Variants in PAPPA2 observed in about 807,000 individuals in gnomAD.
The protein encoded by PAPPA2 is pappalysin 2.
A neutral mutation model predicts 176.4 loss-of-function variants in PAPPA2; 86 were observed. The observed-to-expected ratio is 0.49, with a 90% CI of 0.41 to 0.58. The LOEUF is 0.58. PAPPA2 is among the 20% of genes least tolerant of loss of function. The probability of loss-of-function intolerance (pLI) is 0.00; values close to 1 mark genes in which losing one functional copy is unlikely to be tolerated. For missense variants in PAPPA2, 2,073 were observed against 2,256.9 expected (o/e 0.92, Z 1.65); for synonymous variants, 809 against 852.2 (o/e 0.95, Z 0.88).
At chr1:176,668,636 A>G (rs1027207095) in intron 3 of PAPPA2, among the ~76,000 whole-genome samples, 1 of 152,202 alleles carries the variant, frequency 6.6e-6, no homozygotes, top group South Asian at 2.1e-4. Context: ...AGCATTCTGC[A>G]TGTAAAGCAG....
intron 1 of PAPPA2, among the ~76,000 whole-genome samples, chr1:176,478,113 C>A (rs192916462): frequency 6.6e-6 from 1 of 152,184 alleles, no homozygotes. Flanking sequence ...TGAGTAGCTT[C>A]TGCTATTAAA....
At chr1:176,506,693 A>G (rs7526589) in intron 1 of PAPPA2, among the ~76,000 whole-genome samples, 12,034 of 152,194 alleles carry the variant, frequency 0.079, 582 homozygotes, top group South Asian at 0.15. Flanking sequence ...ATTTATGTGC[A>G]TTGATTTTGT....
In PAPPA2 at chr1:176,810,571, A is replaced by G. The variant is rs571479517; in HGVS notation, c.5202+10439A>G. ...ATTTTACAGGAGGCAGATCCAGGCT[A>G]TAACACTGGCTCTTCCACCACTCAC... is the stretch of plus-strand genomic sequence containing the variant. On this transcript the variant is annotated intron_variant, in intron 21 of 22. Coordinates refer to ENST00000367662, the MANE Select transcript of PAPPA2 (RefSeq NM_020318.3). 3.3e-5 allele frequency among the ~76,000 whole-genome samples: 5 copies of G among 152,320 alleles called. No homozygotes were observed. In the East Asian group the frequency reaches 7.7e-4, roughly 23 times the overall value.
intron 21 of PAPPA2, among the ~76,000 whole-genome samples, chr1:176,819,188 G>T (rs2102971662): frequency 6.6e-6 from 1 of 152,206 alleles, no homozygotes; most frequent in African/African-American, 2.4e-5. Context: ...TCAGCAGCAG[G>T]GTAGTGATCT....
chr1:176,707,757 C>T (rs947612571), intron 10 of PAPPA2, among the ~76,000 whole-genome samples: 1 of 152,152 alleles, frequency 6.6e-6, no homozygotes, highest in African/African-American at 2.4e-5. Context: ...TTTCCTCATG[C>T]TTAATCAAGT....
chr1:176,492,954 G>A (rs930227769), intron 1 of PAPPA2, among the ~76,000 whole-genome samples: 2 of 152,192 alleles, frequency 1.3e-5, no homozygotes, highest in South Asian at 2.1e-4. Context: ...TATATTTTCT[G>A]TTGTGATTCA....
chr1:176,664,633 CT>C (rs1309110427), intron 3 of PAPPA2, among the ~76,000 whole-genome samples: 1 of 152,182 alleles, frequency 6.6e-6, no homozygotes, highest in Non-Finnish European at 1.5e-5. Context: ...GGGCATTATA[CT>C]GACTACCTTA....
intron 9 of PAPPA2, among the ~76,000 whole-genome samples, chr1:176,705,990 A>G (rs1315971310): frequency 6.6e-6 from 1 of 152,212 alleles, no homozygotes; most frequent in African/African-American, 2.4e-5. Flanking sequence ...TCTTACCATC[A>G]TCAGCTATTT....
chr1:176,679,200 T>A (rs1470084629), intron 4 of PAPPA2, among the ~76,000 whole-genome samples: 3 of 152,182 alleles, frequency 2.0e-5, no homozygotes, highest in African/African-American at 7.2e-5. Context: ...TTCCCTGAGT[T>A]TTATCCTTGA....
intron 2 of PAPPA2, among the ~76,000 whole-genome samples, chr1:176,570,130 C>T (rs961461661): frequency 1.3e-4 from 20 of 152,190 alleles, no homozygotes; most frequent in African/African-American, 3.9e-4. Flanking sequence ...ACATTATTCC[C>T]GTGGGCGGGA....
chr1:176,480,538 G>T (rs887833463), intron 1 of PAPPA2, among the ~76,000 whole-genome samples: 4 of 152,098 alleles, frequency 2.6e-5, no homozygotes, highest in Non-Finnish European at 4.4e-5. Flanking sequence ...GGGCATGGAG[G>T]CGGGAAGGCT....
chr1:176,620,270 A>G (rs949494921), intron 3 of PAPPA2, among the ~76,000 whole-genome samples: 25 of 152,044 alleles, frequency 1.6e-4, no homozygotes, highest in Admixed American at 1.6e-3. Context: ...GGATTTCAAT[A>G]TATACATTTT....
intron 1 of PAPPA2, among the ~76,000 whole-genome samples, chr1:176,504,976 G>T (rs575954452): frequency 1.3e-5 from 2 of 152,198 alleles, no homozygotes; most frequent in South Asian, 2.1e-4. Context: ...CTATTGGAAG[G>T]TTACTTATAA....
chr1:176,527,876 T>C (rs957482893), intron 1 of PAPPA2, among the ~76,000 whole-genome samples: 5 of 152,224 alleles, frequency 3.3e-5, no homozygotes, highest in African/African-American at 1.2e-4. Context: ...GACAGACCTC[T>C]GTGCGGGAAC....
At chr1:176,637,461 TCTCATCTATAA>T (rs1348882860) in intron 3 of PAPPA2, among the ~76,000 whole-genome samples, 1 of 152,150 alleles carries the variant, frequency 6.6e-6, no homozygotes, top group Non-Finnish European at 1.5e-5. Flanking sequence ...ACTTGAGGTC[TCTCATCTATAA>T]CAATGCACAT....
chr1:176,479,094 G>A (rs1652267032), intron 1 of PAPPA2, among the ~76,000 whole-genome samples: 1 of 152,138 alleles, frequency 6.6e-6, no homozygotes, highest in Non-Finnish European at 1.5e-5. Flanking sequence ...ATAATAATAA[G>A]TTAACTCATT....
intron 1 of PAPPA2, among the ~76,000 whole-genome samples, chr1:176,527,186 C>T (rs6692448): frequency 0.012 from 1,767 of 152,228 alleles, 29 homozygotes; most frequent in African/African-American, 0.04. Context: ...GATATTGTAT[C>T]GAAGAAGAAC....
intron 1 of PAPPA2, among the ~76,000 whole-genome samples, chr1:176,533,876 A>C (rs1486417652): frequency 1.3e-5 from 2 of 152,190 alleles, no homozygotes; most frequent in Non-Finnish European, 2.9e-5. Flanking sequence ...GCACGTAGCT[A>C]TTGAGTTCTT....
rs768953106 is a variant in PAPPA2 at position 176,740,184 on chromosome 1, A to C, written c.4139A>C (p.His1380Pro). The C allele has an allele frequency of 9.9e-6, 16 of 1,613,532 alleles. No homozygotes were observed. Among genetic ancestry groups the C allele is most frequent in the Non-Finnish European group, 1.3e-5 (15 of 1,179,744 alleles). The change falls in exon 14 of 23, where the codon CAT (histidine) becomes CCT (proline). Residue 1380 changes from histidine (H) to proline (P), a missense_variant. By Grantham distance (77) the His-to-Pro change is moderately conservative (BLOSUM62 -2). Transcript: ENST00000367662. ...NCISEDEGQNHQGQSCIHRPC... is the reference protein window; with the variant it reads ...NCISEDEGQNPQGQSCIHRPC... ...ATCTCAGAGGACGAGGGGCAGAATC[A>C]TCAGGGACAGAGGTACAAACTTCCC...
Sources: allele counts gnomAD v4.1 joint callset (sites outside exome capture counted in the v4.1 genomes callset), GRCh38; gene constraint gnomAD v4.1.1; transcripts MANE v1.5; gene names NCBI Gene and HGNC (gene_info 2026-07-23, HGNC 2026-07-21).